Variants in RORA observed in about 807,000 individuals in gnomAD.
RORA encodes the protein nuclear receptor ROR-alpha.
A neutral mutation model predicts 69.5 loss-of-function variants in RORA; 7 were observed. That is an observed-to-expected ratio of 0.10 (90% CI 0.06 to 0.19). The LOEUF (loss-of-function observed/expected upper bound fraction) is 0.19. Among genes scored for constraint, RORA ranks in the 10% least tolerant of loss-of-function variants. The probability of loss-of-function intolerance (pLI) is 1.00; values close to 1 mark genes in which losing one functional copy is unlikely to be tolerated. For synonymous variants in RORA, 261 were observed against 240.8 expected (o/e 1.08, Z -0.78); for missense variants, 457 against 663.0 (o/e 0.69, Z 3.41).
At chr15:60,993,931 T>G (rs1362500556) in intron 1 of RORA, among the ~76,000 whole-genome samples, 2 of 152,084 alleles carry the variant, frequency 1.3e-5, no homozygotes, top group Non-Finnish European at 2.9e-5. Flanking sequence ...TACATAATTT[T>G]CAAAGGAAAA....
At chr15:60,911,068 AATTTTTTTTTTTTTTTTTTTT>A (rs1430427430) in intron 1 of RORA, among the ~76,000 whole-genome samples, 1 of 87,116 alleles carries the variant, frequency 1.1e-5, no homozygotes, top group Non-Finnish European at 2.2e-5. Context: ...ATGCCCAGCT[AATTTTTTTTTTTTTTTTTTTT>A]TTTTTTTTTT....
chr15:60,878,092 C>A (rs971346730), intron 1 of RORA, among the ~76,000 whole-genome samples: 3 of 147,502 alleles, frequency 2.0e-5, no homozygotes, highest in African/African-American at 7.5e-5. Context: ...TTTGGGAAGC[C>A]GAGGTGGGCG....
chr15:60,963,064 T>C (rs1361818356), intron 1 of RORA, among the ~76,000 whole-genome samples: 1 of 152,252 alleles, frequency 6.6e-6, no homozygotes, highest in Non-Finnish European at 1.5e-5. Context: ...GCAGCAATCA[T>C]ACTGTGTACC....
At chr15:60,656,820 G>A (rs879692738) in intron 2 of RORA, among the ~76,000 whole-genome samples, 25 of 152,204 alleles carry the variant, frequency 1.6e-4, no homozygotes, top group Admixed American at 1.6e-3. Context: ...ACTCTAGGAG[G>A]CCAAGGCCTC....
intron 1 of RORA, among the ~76,000 whole-genome samples, chr15:61,036,001 G>C (rs1490852055): frequency 1.3e-5 from 2 of 152,190 alleles, no homozygotes; most frequent in African/African-American, 4.8e-5. Flanking sequence ...TGAGGGAAAG[G>C]GGTTAAGAAC....
At chr15:61,069,994 T>C (rs925609734) in intron 1 of RORA, among the ~76,000 whole-genome samples, 29 of 152,340 alleles carry the variant, frequency 1.9e-4, no homozygotes, top group African/African-American at 6.7e-4. Context: ...CACCATCGTT[T>C]GATGTTTTTA....
chr15:60,800,922 G>T (rs1017613711), intron 1 of RORA, among the ~76,000 whole-genome samples: 1 of 152,176 alleles, frequency 6.6e-6, no homozygotes, highest in Non-Finnish European at 1.5e-5. Context: ...CCTCTCAAGG[G>T]CAGGGGCCAC....
At chr15:60,590,825 A>G (rs538370193) in intron 2 of RORA, among the ~76,000 whole-genome samples, 1 of 152,298 alleles carries the variant, frequency 6.6e-6, no homozygotes, top group African/African-American at 2.4e-5. Flanking sequence ...TTTTACTTAT[A>G]TGAATTACAT....
chr15:60,945,085 G>C (rs1363390442), intron 1 of RORA, among the ~76,000 whole-genome samples: 1 of 152,182 alleles, frequency 6.6e-6, no homozygotes, highest in African/African-American at 2.4e-5. Flanking sequence ...AGAGGAGGAA[G>C]GCTATAGTTT....
chr15:60,992,390 C>T (rs996115891), intron 1 of RORA, among the ~76,000 whole-genome samples: 3 of 151,420 alleles, frequency 2.0e-5, no homozygotes, highest in African/African-American at 7.3e-5. Context: ...CCTATGCTTG[C>T]CATAGGATAA....
At chr15:60,516,037 ATT>A (rs2065892995) in intron 3 of RORA, among the ~76,000 whole-genome samples, 5 of 11,862 alleles carry the variant, frequency 4.2e-4, no homozygotes, top group African/African-American at 5.5e-4. Flanking sequence ...ATTTATATAT[ATT>A]TATATATTTA....
At chr15:61,140,833 A>AT (rs1444271848) in intron 1 of RORA, among the ~76,000 whole-genome samples, 1 of 152,146 alleles carries the variant, frequency 6.6e-6, no homozygotes, top group Non-Finnish European at 1.5e-5. Flanking sequence ...TTTGGAGAAT[A>AT]TTTTTAGTCT....
chr15:61,026,778 CA>C (rs1399115402), intron 1 of RORA, among the ~76,000 whole-genome samples: 2 of 152,116 alleles, frequency 1.3e-5, no homozygotes, highest in African/African-American at 4.8e-5. Flanking sequence ...ACTCAAAAAC[CA>C]GACACAAGAA....
intron 2 of RORA, among the ~76,000 whole-genome samples, chr15:60,565,032 A>G (rs933601420): frequency 6.6e-6 from 1 of 152,152 alleles, no homozygotes; most frequent in African/African-American, 2.4e-5. Flanking sequence ...CTCAGCAAAA[A>G]GACAGAGTGT....
chr15:60,597,558 AT>A (rs2068703091), intron 2 of RORA, among the ~76,000 whole-genome samples: 3 of 25,164 alleles, frequency 1.2e-4, no homozygotes, highest in African/African-American at 3.7e-4. Flanking sequence ...CAACATATAT[AT>A]ATATATATAT....
chr15:60,597,516 C>T (rs1375587798), intron 2 of RORA, among the ~76,000 whole-genome samples: 1 of 41,508 alleles, frequency 2.4e-5, no homozygotes, highest in Admixed American at 2.6e-4. Flanking sequence ...AGGAGATACA[C>T]ACACACACAC....
intron 1 of RORA, among the ~76,000 whole-genome samples, chr15:61,039,500 G>A (rs184359120): frequency 8.9e-4 from 136 of 152,044 alleles, no homozygotes; most frequent in African/African-American, 3.1e-3. Context: ...CAGATCACGA[G>A]GTCATGAGTT....
chr15:60,495,155 C>T lies in RORA; in HGVS notation c.*2300G>A, dbSNP rs1595856994. 3.3e-5 allele frequency: 5 copies of T among 152,048 alleles called. No individual in the cohort carries two copies. In the East Asian group the frequency reaches 9.6e-4, roughly 29 times the overall value. The allele number at this position is 152,048 out of a possible 1,614,324, so 9.4% of individuals were successfully genotyped here. A position where few individuals can be genotyped will look rare whatever the true frequency, so the allele number is the denominator to read the frequency against. On this transcript the variant is annotated 3_prime_UTR_variant, in exon 11 of 11. Transcript: ENST00000335670. ...AACAAAAACAAAACACCATTTCCCC[C>T]CAGAGGAGAAACAATAGAAAAAAAA...
rs554214806 is a variant in RORA, at chr15:60,603,764, C to T, written c.197-71913G>A. 2.4e-3 allele frequency among the ~76,000 whole-genome samples: 364 copies of T among 152,294 alleles called. 2 individuals carry two copies. The highest frequency in any genetic ancestry group is 3.8e-3 in the Non-Finnish European group (256 of 68,022). On this transcript the variant is annotated intron_variant, in intron 2 of 10. Transcript: ENST00000335670. ...CCATTAAGACATATCACAATCTTCTCGCGCTTGAACACTAGACAGCACTTC... is the reference window on the plus strand; with the variant it reads ...CCATTAAGACATATCACAATCTTCTTGCGCTTGAACACTAGACAGCACTTC...
Sources: gnomAD v4.1 joint callset for allele counts (sites outside exome capture counted in the v4.1 genomes callset) on GRCh38, gnomAD v4.1.1 for gene constraint, MANE v1.5 for transcripts, NCBI Gene and HGNC (gene_info 2026-07-23, HGNC 2026-07-21) for gene names.